The following ZMYM2 variants were observed in gnomAD, a reference collection of about 807,000 sequenced individuals.
The protein encoded by ZMYM2 is zinc finger MYM-type containing 2.
A neutral mutation model predicts 162.8 loss-of-function variants in ZMYM2; 56 were observed. The ratio of observed to expected loss-of-function variants is 0.34; its 90% CI spans 0.28 to 0.43. The LOEUF is 0.43. Ranked by LOEUF, ZMYM2 falls within the 20% of genes least tolerant of loss-of-function variation. ZMYM2 has a pLI of 1.00. For synonymous variants in ZMYM2, 510 were observed against 541.6 expected (o/e 0.94, Z 0.81); for missense variants, 1,275 against 1,621.8 (o/e 0.79, Z 3.67).
chr13:19,942,456 A>G, the ZMYM2 span, among the ~76,000 whole-genome samples: 89 of 151,910 alleles, frequency 5.9e-4, no homozygotes, highest in African/African-American at 2.0e-3. Context: ...CAAGTCAATA[A>G]CATATTTTTA....
intron 6 of ZMYM2, among the ~76,000 whole-genome samples, chr13:20,008,185 A>C (rs1280300907): frequency 6.6e-6 from 1 of 152,166 alleles, no homozygotes; most frequent in Non-Finnish European, 1.5e-5. Flanking sequence ...GCTGGAGTGC[A>C]GTGGTGCAAT....
chr13:20,012,286 C>G (rs559664346), intron 6 of ZMYM2, among the ~76,000 whole-genome samples: 6 of 152,266 alleles, frequency 3.9e-5, no homozygotes, highest in African/African-American at 1.4e-4. Context: ...AGCGATTCTT[C>G]TGCGTCAGCC....
At chr13:19,942,298 ATTTATT>A in the ZMYM2 span, among the ~76,000 whole-genome samples, 151,693 of 151,888 alleles carry the variant, frequency 1, 75,750 homozygotes, top group Middle Eastern at 1. Context: ...TTTAGTATGT[ATTTATT>A]ATACATATTA....
rs547543546 is a variant in ZMYM2 at position 20,030,781 on chromosome 13, G to A, written c.1852-538G>A. Among the ~76,000 whole-genome samples, 70 of 152,180 alleles carry A rather than the reference G, an allele frequency of 4.6e-4. 1 individual carries two copies. Among genetic ancestry groups the A allele is most frequent in the Admixed American group, 3.0e-3 (46 of 15,292 alleles). On this transcript the variant is annotated intron_variant, in intron 9 of 24. Coordinates refer to ENST00000610343, the MANE Select transcript of ZMYM2 (RefSeq NM_197968.4). ...ACTCCTGACCTTGGGTGATCTGCCC[G>A]CCTTGACCTCCCAAAGTGCTAGAAT...
At chr13:19,971,733 T>G (rs1305001501) in intron 2 of ZMYM2, among the ~76,000 whole-genome samples, 1 of 152,098 alleles carries the variant, frequency 6.6e-6, no homozygotes, top group Non-Finnish European at 1.5e-5. Flanking sequence ...AAGCATTTGA[T>G]GATTGCAGGC....
chr13:19,962,046 G>A (rs1241625495), intron 2 of ZMYM2, among the ~76,000 whole-genome samples: 1 of 152,152 alleles, frequency 6.6e-6, no homozygotes, highest in Non-Finnish European at 1.5e-5. Flanking sequence ...GATATAAAGT[G>A]GTCCCTACTT....
chr13:19,966,556 G>T (rs1236826972), intron 2 of ZMYM2, among the ~76,000 whole-genome samples: 1 of 151,332 alleles, frequency 6.6e-6, no homozygotes, highest in Non-Finnish European at 1.5e-5. Context: ...CTGGTTTCAA[G>T]CGTTTCTCCT....
At chr13:19,987,328 A>G (rs1428463368) in intron 2 of ZMYM2, among the ~76,000 whole-genome samples, 2 of 151,794 alleles carry the variant, frequency 1.3e-5, no homozygotes, top group Admixed American at 6.6e-5. Flanking sequence ...CAGTGGCGCA[A>G]TCTCGGCTCA....
the ZMYM2 span, among the ~76,000 whole-genome samples, chr13:19,879,088 CTTTT>C: frequency 6.6e-6 from 1 of 152,080 alleles, no homozygotes; most frequent in African/African-American, 2.4e-5. Context: ...TGAATGTTTT[CTTTT>C]GTTTTCTTCT....
the ZMYM2 span, among the ~76,000 whole-genome samples, chr13:19,919,015 A>C: frequency 6.6e-6 from 1 of 151,308 alleles, no homozygotes; most frequent in African/African-American, 2.4e-5. Flanking sequence ...AGTCACACTC[A>C]CTCCTCTCTA....
the ZMYM2 span, among the ~76,000 whole-genome samples, chr13:19,919,430 TC>T: frequency 1.1e-3 from 175 of 152,298 alleles, no homozygotes; most frequent in Non-Finnish European, 2.0e-3. Context: ...CAAACTATTT[TC>T]CAGAGTGGCT....
At chr13:19,916,693 C>A in the ZMYM2 span, among the ~76,000 whole-genome samples, 1 of 146,590 alleles carries the variant, frequency 6.8e-6, no homozygotes, top group Non-Finnish European at 1.5e-5. Context: ...CAGGGAACAT[C>A]ACACACCGGG....
intron 2 of ZMYM2, among the ~76,000 whole-genome samples, chr13:19,980,413 T>C (rs1957211399): frequency 6.6e-6 from 1 of 152,132 alleles, no homozygotes; most frequent in African/African-American, 2.4e-5. Flanking sequence ...TTATTGTAGC[T>C]TCATAATATG....
intron 14 of ZMYM2, among the ~76,000 whole-genome samples, chr13:20,057,453 T>C (rs1291225304): frequency 6.6e-6 from 1 of 152,050 alleles, no homozygotes; most frequent in Non-Finnish European, 1.5e-5. Flanking sequence ...TTGTAAAACT[T>C]TGCTTAATTT....
chr13:20,085,586 T>G (rs368837741), intron 24 of ZMYM2, among the ~76,000 whole-genome samples: 55 of 152,288 alleles, frequency 3.6e-4, no homozygotes, highest in African/African-American at 8.9e-4. Flanking sequence ...TAATGAGTGG[T>G]GTGTCTATTG....
At chr13:20,036,290 G>A (rs1953696629) in intron 11 of ZMYM2, among the ~76,000 whole-genome samples, 1 of 151,522 alleles carries the variant, frequency 6.6e-6, no homozygotes, top group African/African-American at 2.4e-5. Context: ...GAAGGTCCAT[G>A]TAAGAGAGGT....
chr13:19,929,280 C>T, the ZMYM2 span, among the ~76,000 whole-genome samples: 3 of 151,876 alleles, frequency 2.0e-5, no homozygotes. Context: ...ACTCTGTCGC[C>T]CAGGTTGGAG....
rs569753326 is a variant in ZMYM2 at position 20,004,959 on chromosome 13, A to G, written c.1134-115A>G. ...CTAATAAAAATGATTTATTAGATCCAAGAATGATGTTTGATTTGCAGGACT... is the reference window on the plus strand; with the variant it reads ...CTAATAAAAATGATTTATTAGATCCGAGAATGATGTTTGATTTGCAGGACT... On this transcript the variant is annotated intron_variant, in intron 4 of 24. Coordinates refer to ENST00000610343, the MANE Select transcript of ZMYM2 (RefSeq NM_197968.4). The G allele has an allele frequency of 9.5e-6, 7 of 738,434 alleles. No homozygotes were observed. In the Admixed American group the frequency reaches 2.5e-4, roughly 27 times the overall value. 45.7% of individuals were successfully genotyped at this position (738,434 alleles called of 1,614,324 possible). A position where few individuals can be genotyped will look rare whatever the true frequency, so the allele number is the denominator to read the frequency against.
the ZMYM2 span, among the ~76,000 whole-genome samples, chr13:19,892,572 T>C: frequency 6.7e-6 from 1 of 149,182 alleles, no homozygotes; most frequent in South Asian, 2.1e-4. Context: ...ACCGCGCCTG[T>C]CCCACTAATG....
Sources: allele counts gnomAD v4.1 joint callset (sites outside exome capture counted in the v4.1 genomes callset), GRCh38; gene constraint gnomAD v4.1.1; transcripts MANE v1.5; gene names NCBI Gene and HGNC (gene_info 2026-07-23, HGNC 2026-07-21).